RAD54B: variants seen among roughly 807,000 people sequenced by gnomAD.
The protein encoded by RAD54B is RAD54 homolog B.
A neutral mutation model predicts 95.8 loss-of-function variants in RAD54B; 78 were observed. That is an observed-to-expected ratio of 0.81 (90% confidence interval 0.68 to 0.98). RAD54B has a LOEUF of 0.98. RAD54B is among the 50% of genes least tolerant of loss of function. The pLI is 0.00. For synonymous variants in RAD54B, 328 were observed against 354.9 expected (o/e 0.92, Z 0.85); for missense variants, 957 against 1,056.6 (o/e 0.91, Z 1.31).
chr8:94,461,785 T>A (rs1812912284), intron 2 of RAD54B, among the ~76,000 whole-genome samples: 1 of 152,194 alleles, frequency 6.6e-6, no homozygotes, highest in Non-Finnish European at 1.5e-5. Context: ...GCTATGCTCC[T>A]TCGCCTCTAA....
At chr8:94,410,759 TA>T (rs1169515658) in intron 4 of RAD54B, among the ~76,000 whole-genome samples, 2 of 152,174 alleles carry the variant, frequency 1.3e-5, no homozygotes, top group Non-Finnish European at 1.5e-5. Context: ...GATATCAACA[TA>T]TTTTTCAATT....
intron 3 of RAD54B, among the ~76,000 whole-genome samples, chr8:94,447,183 T>C (rs537084455): frequency 6.6e-6 from 1 of 152,254 alleles, no homozygotes; most frequent in African/African-American, 2.4e-5. Flanking sequence ...AGGAGTCAAA[T>C]TATAAAATTT....
chr8:94,446,199 G>A (rs917640163), intron 3 of RAD54B, among the ~76,000 whole-genome samples: 8 of 152,146 alleles, frequency 5.3e-5, no homozygotes, highest in African/African-American at 1.9e-4. Flanking sequence ...AATAATTGTG[G>A]GGTAGGGGTG....
At chr8:94,436,345 T>C (rs1385391941) in intron 3 of RAD54B, 5 of 1,088,132 alleles carry the variant, frequency 4.6e-6, no homozygotes, top group Non-Finnish European at 6.2e-6. Context: ...ATAGCCTCAC[T>C]TTTCTCTTTT....
At chr8:94,380,529 G>T in intron 11 of RAD54B, 123 bp from the exon 12 acceptor site, 1 of 1,011,490 alleles carries the variant, frequency 9.9e-7, no homozygotes, top group Non-Finnish European at 1.4e-6. Flanking sequence ...CAATGACCTT[G>T]TACAATTAAA....
At chr8:94,472,616 A>G (rs780438876) in intron 1 of RAD54B, among the ~76,000 whole-genome samples, 3 of 152,194 alleles carry the variant, frequency 2.0e-5, no homozygotes, top group Non-Finnish European at 4.4e-5. Context: ...GAAAATTCTG[A>G]CACTTTTTAA....
Position 94,391,740 on chromosome 8 carries a change from G to C in RAD54B, c.1678C>G (p.Arg560Gly), listed in dbSNP as rs1042539559. Residue 560 changes from arginine to glycine, a missense_variant, in exon 10 of 15, where the codon CGA (arginine) becomes GGA (glycine). Coordinates refer to ENST00000336148, the MANE Select transcript of RAD54B (RefSeq NM_012415.3). ...RPGALQIELY[R>G]KLLNSQVVRF... ...ACAACCTGAGAATTTAACAGCTTTC[G>C]ATAAAGCTCAATCTGTAGTGCTCCT... 4 of 1,613,946 alleles carry C rather than the reference G, an allele frequency of 2.5e-6. No individual in the cohort carries two copies. The highest frequency in any genetic ancestry group is 3.4e-6 in the Non-Finnish European group (4 of 1,179,992).
intron 14 of RAD54B, among the ~76,000 whole-genome samples, chr8:94,374,397 C>T (rs1810517524): frequency 1.3e-5 from 2 of 151,858 alleles, no homozygotes; most frequent in African/African-American, 4.8e-5. Flanking sequence ...CAGTATTAGG[C>T]CCTCGTTAAA....
intron 3 of RAD54B, chr8:94,437,054 T>A: frequency 2.4e-6 from 3 of 1,238,474 alleles, no homozygotes; most frequent in South Asian, 4.1e-5. Context: ...GAAATCTGCT[T>A]AAGCCAAGCC....
chr8:94,464,784 G>A (rs146519615), intron 2 of RAD54B, among the ~76,000 whole-genome samples: 3 of 152,216 alleles, frequency 2.0e-5, no homozygotes, highest in Admixed American at 2.0e-4. Context: ...TCACAGTTCT[G>A]CAGCCTGTAT....
At position 94,458,550 on chromosome 8, in the gene RAD54B, A is replaced by T. The variant is rs553485943; in HGVS notation, c.136-114T>A. Reference sequence around the variant, plus strand: ...ACAGGACATACTGGTTATATATATAAACTAGAACTAGATATTTAAAAATAA... The same window carrying T: ...ACAGGACATACTGGTTATATATATATACTAGAACTAGATATTTAAAAATAA... On this transcript the variant is annotated intron_variant, in intron 2 of 14. Transcript: ENST00000336148. The T allele has an allele frequency of 3.7e-4, 264 of 712,514 alleles. 2 individuals are homozygous for T. In the South Asian group the frequency reaches 6.5e-3, roughly 18 times the overall value. The allele number at this position is 712,514 out of a possible 1,614,324, so 44.1% of individuals were successfully genotyped here. A position where few individuals can be genotyped will look rare whatever the true frequency, so the allele number is the denominator to read the frequency against.
chr8:94,414,813 C>T (rs1212785246), intron 3 of RAD54B, among the ~76,000 whole-genome samples: 9 of 151,974 alleles, frequency 5.9e-5, no homozygotes, highest in South Asian at 2.1e-4. Context: ...TTACAAGGGA[C>T]GTGAAGGACC....
chr8:94,456,537 A>G (rs1167130505), intron 3 of RAD54B, among the ~76,000 whole-genome samples: 1 of 152,198 alleles, frequency 6.6e-6, no homozygotes, highest in Non-Finnish European at 1.5e-5. Flanking sequence ...AGAGAAAAAG[A>G]GAGAAAGCAC....
At chr8:94,426,493 T>C (rs1417220596) in intron 3 of RAD54B, among the ~76,000 whole-genome samples, 1 of 152,158 alleles carries the variant, frequency 6.6e-6, no homozygotes, top group Admixed American at 6.5e-5. Context: ...AAGTGTGGTA[T>C]ATTTATGCAA....
At position 94,400,328 on chromosome 8, in the gene RAD54B, A is replaced by T. The variant is rs879092051; in HGVS notation, c.1080T>A (p.Ile360=). Residue 360 remains isoleucine, a synonymous_variant, in exon 7 of 15, where the codon ATT becomes ATA. Transcript: ENST00000336148. ...TATTCACCAAGCTTCCAGGTGTGAC[A>T]ATTAGTGTCTTCTTTATTACTGGCT... ...GGKPVIKKTL[I]VTPGSLVNNW... is the part of the protein sequence containing the mutation. The T allele has an allele frequency of 6.2e-7, 1 of 1,613,878 alleles. No homozygotes were observed. Among genetic ancestry groups the T allele is most frequent in the Non-Finnish European group, 8.5e-7 (1 of 1,179,896 alleles).
intron 3 of RAD54B, among the ~76,000 whole-genome samples, chr8:94,449,556 C>T (rs1415919015): frequency 1.3e-5 from 2 of 150,754 alleles, no homozygotes; most frequent in Non-Finnish European, 3.0e-5. Flanking sequence ...TTACAGTGAG[C>T]CAAGATCGCA....
In RAD54B at chr8:94,380,415, C is replaced by CA; in HGVS notation, c.1986-10dup. ...TGGATACCAACACCACCCTGTCAAT[C>CA]AAAAAGAAAGATTCTTTAGATAAAT... On this transcript the variant is annotated splice_polypyrimidine_tract_variant and intron_variant, in intron 11 of 14. Coordinates refer to ENST00000336148, the MANE Select transcript of RAD54B (RefSeq NM_012415.3). 1.3e-6 allele frequency: 2 copies of CA among 1,566,692 alleles called. No homozygotes were observed. Among genetic ancestry groups the CA allele is most frequent in the Non-Finnish European group, 1.7e-6 (2 of 1,156,794 alleles).
chr8:94,429,350 T>C, intron 3 of RAD54B: 1 of 593,258 alleles, frequency 1.7e-6, no homozygotes, highest in Non-Finnish European at 2.1e-6. Flanking sequence ...CCACAATTAT[T>C]TTAGAACCTA....
At chr8:94,442,397 C>T (rs1292021855) in intron 3 of RAD54B, among the ~76,000 whole-genome samples, 1 of 151,998 alleles carries the variant, frequency 6.6e-6, no homozygotes, top group Non-Finnish European at 1.5e-5. Context: ...ATGGTGAAAC[C>T]CCGTCTCTAC....
Sources: gnomAD v4.1 joint callset for allele counts (sites outside exome capture counted in the v4.1 genomes callset) on GRCh38, gnomAD v4.1.1 for gene constraint, MANE v1.5 for transcripts, NCBI Gene and HGNC (gene_info 2026-07-23, HGNC 2026-07-21) for gene names.